Variants in RBFOX1 observed in about 807,000 individuals in gnomAD.
The protein encoded by RBFOX1 is RNA binding fox-1 homolog 1.
A neutral mutation model predicts 57.7 loss-of-function variants in RBFOX1; 8 were observed. The ratio of observed to expected loss-of-function variants is 0.14; its 90% CI spans 0.08 to 0.25. RBFOX1 has a LOEUF of 0.25. RBFOX1 is among the 10% of genes least tolerant of loss of function. The pLI is 1.00. For missense variants in RBFOX1, 611 were observed against 548.5 expected (o/e 1.11, Z -1.14); for synonymous variants, 326 against 222.4 (o/e 1.47, Z -4.15).
At chr16:6,808,357 C>T (rs765655138) in intron 3 of RBFOX1, among the ~76,000 whole-genome samples, 4 of 151,948 alleles carry the variant, frequency 2.6e-5, no homozygotes, top group Non-Finnish European at 5.9e-5. Context: ...ACTGAAGCAC[C>T]CTTGTCACTC....
chr16:6,985,470 A>C (rs1010158218), intron 3 of RBFOX1, among the ~76,000 whole-genome samples: 1 of 152,204 alleles, frequency 6.6e-6, no homozygotes, highest in Non-Finnish European at 1.5e-5. Flanking sequence ...CAAAATAGCT[A>C]GTCCACATCT....
At chr16:5,348,769 C>T (rs1245201441) in intron 1 of RBFOX1, among the ~76,000 whole-genome samples, 1 of 152,174 alleles carries the variant, frequency 6.6e-6, no homozygotes, top group Admixed American at 6.5e-5. Flanking sequence ...ATTCCTATAC[C>T]TGATGCTGTA....
chr16:7,288,812 G>A (rs1265724890), intron 4 of RBFOX1, among the ~76,000 whole-genome samples: 1 of 152,220 alleles, frequency 6.6e-6, no homozygotes, highest in Non-Finnish European at 1.5e-5. Flanking sequence ...CTGCACTCCA[G>A]CCTGCGCGAT....
chr16:7,319,621 T>C (rs749632619), intron 4 of RBFOX1, among the ~76,000 whole-genome samples: 7 of 152,152 alleles, frequency 4.6e-5, no homozygotes, highest in Non-Finnish European at 1.0e-4. Context: ...CAGAAGAGAT[T>C]TCAGCATCGA....
At chr16:6,232,591 G>A (rs187686230) in intron 1 of RBFOX1, among the ~76,000 whole-genome samples, 6 of 152,110 alleles carry the variant, frequency 3.9e-5, no homozygotes, top group African/African-American at 1.4e-4. Flanking sequence ...TGACTTTCTT[G>A]TTCCAGTTGT....
chr16:6,263,114 G>A (rs2097711167), intron 1 of RBFOX1, among the ~76,000 whole-genome samples: 1 of 152,170 alleles, frequency 6.6e-6, no homozygotes, highest in South Asian at 2.1e-4. Context: ...AGAACACAGA[G>A]TGCGCCTGTG....
intron 3 of RBFOX1, among the ~76,000 whole-genome samples, chr16:6,679,006 G>T (rs911106815): frequency 4.6e-5 from 7 of 152,068 alleles, no homozygotes; most frequent in African/African-American, 1.2e-4. Context: ...CATTCTTTCA[G>T]ATGTCAAAGA....
At chr16:7,195,752 C>T (rs890175853) in intron 4 of RBFOX1, among the ~76,000 whole-genome samples, 4 of 152,058 alleles carry the variant, frequency 2.6e-5, no homozygotes, top group African/African-American at 4.8e-5. Context: ...GGGATTTCAC[C>T]GTGTTGGCCA....
At chr16:6,849,438 C>A (rs536091037) in intron 3 of RBFOX1, among the ~76,000 whole-genome samples, 24 of 152,290 alleles carry the variant, frequency 1.6e-4, no homozygotes, top group African/African-American at 5.8e-4. Flanking sequence ...GAGGCTGAGG[C>A]TGGTAGATCA....
intron 3 of RBFOX1, among the ~76,000 whole-genome samples, chr16:5,642,023 G>C (rs547416135): frequency 1.3e-5 from 2 of 152,204 alleles, no homozygotes; most frequent in Non-Finnish European, 1.5e-5. Flanking sequence ...CAAGGCTGCT[G>C]GTATCTGGAC....
At chr16:6,766,815 C>T (rs917096508) in intron 3 of RBFOX1, among the ~76,000 whole-genome samples, 11 of 152,026 alleles carry the variant, frequency 7.2e-5, no homozygotes, top group Admixed American at 6.6e-4. Context: ...GGTGAAGTTT[C>T]AGGCGAGACC....
rs547074135 is a variant in RBFOX1 at position 6,182,809 on chromosome 16, A to G, written c.-126-134186A>G. On this transcript the variant is annotated intron_variant, in intron 1 of 15. Transcript: ENST00000550418. ...ACATATGTGAATATAGTATAGTACTATTTTTACATAATTCTTTTTTAATGA... is the reference window on the plus strand; with the variant it reads ...ACATATGTGAATATAGTATAGTACTGTTTTTACATAATTCTTTTTTAATGA... Among the ~76,000 whole-genome samples, 23 of 152,276 alleles carry G rather than the reference A, an allele frequency of 1.5e-4. No individual in the cohort carries two copies. In the South Asian group the frequency reaches 4.8e-3, roughly 32 times the overall value.
chr16:7,444,365 T>C (rs908161409), intron 4 of RBFOX1, among the ~76,000 whole-genome samples: 6 of 152,034 alleles, frequency 3.9e-5, no homozygotes, highest in Non-Finnish European at 8.8e-5. Flanking sequence ...GTTATCTAGA[T>C]GTTAGAGTCT....
chr16:6,895,369 A>G (rs1277329765), intron 3 of RBFOX1, among the ~76,000 whole-genome samples: 2 of 148,494 alleles, frequency 1.3e-5, no homozygotes, highest in Non-Finnish European at 3.0e-5. Flanking sequence ...TAGGAGAACT[A>G]ACTGGTTTAC....
chr16:6,258,002 T>C (rs2097679048), intron 1 of RBFOX1, among the ~76,000 whole-genome samples: 2 of 152,184 alleles, frequency 1.3e-5, no homozygotes, highest in African/African-American at 2.4e-5. Context: ...ATCGCCACAC[T>C]GCCTTCTACA....
chr16:6,299,327 G>C (rs2078517742), intron 1 of RBFOX1, among the ~76,000 whole-genome samples: 1 of 152,186 alleles, frequency 6.6e-6, no homozygotes, highest in Non-Finnish European at 1.5e-5. Flanking sequence ...TTGTTAAATG[G>C]CTAAAGTTGA....
chr16:5,801,960 C>A (rs1438864155), intron 3 of RBFOX1, among the ~76,000 whole-genome samples: 1 of 152,074 alleles, frequency 6.6e-6, no homozygotes, highest in Non-Finnish European at 1.5e-5. Context: ...GACGTGTGTG[C>A]TTTTCTGCTG....
intron 1 of RBFOX1, among the ~76,000 whole-genome samples, chr16:6,053,395 G>C (rs1263766687): frequency 6.6e-6 from 1 of 152,142 alleles, no homozygotes; most frequent in East Asian, 1.9e-4. Flanking sequence ...TTGGACAGAG[G>C]GGAGAAAGGG....
intron 4 of RBFOX1, among the ~76,000 whole-genome samples, chr16:5,979,442 C>G (rs1050296084): frequency 3.9e-5 from 6 of 152,208 alleles, no homozygotes; most frequent in African/African-American, 1.4e-4. Context: ...TGATTAGTGA[C>G]TGTTGAGGGG....
Sources: gnomAD v4.1 joint callset for allele counts (sites outside exome capture counted in the v4.1 genomes callset) on GRCh38, gnomAD v4.1.1 for gene constraint, MANE v1.5 for transcripts, NCBI Gene and HGNC (gene_info 2026-07-23, HGNC 2026-07-21) for gene names.